PTAR1: variants seen among roughly 807,000 people sequenced by gnomAD.
PTAR1 encodes protein prenyltransferase alpha subunit repeat containing 1.
Under a neutral mutation model 45.5 loss-of-function variants are expected in PTAR1, and 17 were observed. That is an observed-to-expected ratio of 0.37 (90% CI 0.26 to 0.56). PTAR1 has a LOEUF of 0.56. Among genes scored for constraint, PTAR1 ranks in the 20% least tolerant of loss-of-function variants. PTAR1 has a pLI of 0.77. For missense variants in PTAR1, 391 were observed against 476.3 expected (o/e 0.82, Z 1.67); for synonymous variants, 169 against 171.3 (o/e 0.99, Z 0.11).
At chr9:69,745,263 C>T (rs1261822782) in intron 2 of PTAR1, among the ~76,000 whole-genome samples, 1 of 152,180 alleles carries the variant, frequency 6.6e-6, no homozygotes, top group African/African-American at 2.4e-5. Flanking sequence ...CAAAAAACCC[C>T]TTTGTAGTCA....
intron 3 of PTAR1, among the ~76,000 whole-genome samples, chr9:69,739,763 T>G (rs1825958219): frequency 6.6e-6 from 1 of 152,200 alleles, no homozygotes; most frequent in South Asian, 2.1e-4. Context: ...TCTATGTCAA[T>G]CAATCTTACT....
chr9:69,732,080 C>T, intron 5 of PTAR1, 59 bp downstream of exon 5: 1 of 1,230,312 alleles, frequency 8.1e-7, no homozygotes, highest in Non-Finnish European at 1.2e-6. Flanking sequence ...GAATGAACTA[C>T]TACCAGAAGA....
intron 5 of PTAR1, among the ~76,000 whole-genome samples, chr9:69,731,169 G>GT: frequency 6.6e-6 from 1 of 152,166 alleles, no homozygotes; most frequent in East Asian, 1.9e-4. Context: ...GAAGTAAAAA[G>GT]TCTCCCATTT....
At chr9:69,722,329 TAAAGGAAGATCC>T in intron 6 of PTAR1, among the ~76,000 whole-genome samples, 1 of 152,232 alleles carries the variant, frequency 6.6e-6, no homozygotes, top group South Asian at 2.1e-4. Context: ...TGCCTCCAAA[TAAAGGAAGATCC>T]AAAAGAAATG....
chr9:69,725,317 T>A (rs1226890177), intron 5 of PTAR1, among the ~76,000 whole-genome samples: 1 of 152,152 alleles, frequency 6.6e-6, no homozygotes, highest in African/African-American at 2.4e-5. Flanking sequence ...TGGCTGTGCG[T>A]GGTGGCTCAT....
At chr9:69,747,323 TTCAC>T (rs1450206993) in intron 2 of PTAR1, among the ~76,000 whole-genome samples, 3 of 152,170 alleles carry the variant, frequency 2.0e-5, no homozygotes, top group African/African-American at 4.8e-5. Flanking sequence ...TCAAAAAGGC[TTCAC>T]AGTGTTAAGT....
intron 3 of PTAR1, among the ~76,000 whole-genome samples, chr9:69,739,577 T>C (rs757524300): frequency 1.2e-4 from 18 of 152,118 alleles, no homozygotes; most frequent in African/African-American, 3.9e-4. Context: ...CTTTAGCAGT[T>C]TGAAAAATGC....
intron 4 of PTAR1, among the ~76,000 whole-genome samples, chr9:69,733,863 G>A (rs1443731376): frequency 2.0e-5 from 3 of 152,128 alleles, no homozygotes; most frequent in Non-Finnish European, 2.9e-5. Context: ...GGCACTGTGG[G>A]AGTGTTACAT....
At chr9:69,731,375 T>C (rs1237181835) in intron 5 of PTAR1, among the ~76,000 whole-genome samples, 1 of 152,184 alleles carries the variant, frequency 6.6e-6, no homozygotes, top group Non-Finnish European at 1.5e-5. Context: ...TAGATTCTTA[T>C]GGCACTGTGA....
rs143882693 is a variant in PTAR1, at chr9:69,741,906, A to G, written c.257-48T>C. 1,257 of 1,184,238 alleles carry G rather than the reference A, an allele frequency of 1.1e-3. 12 individuals are homozygous for G. In the African/African-American group the frequency reaches 0.017, roughly 16 times the overall value. 73.4% of individuals were successfully genotyped at this position (1,184,238 alleles called of 1,614,324 possible). A position where few individuals can be genotyped will look rare whatever the true frequency, so the allele number is the denominator to read the frequency against. On this transcript the variant is annotated intron_variant, in intron 2 of 7. Coordinates refer to ENST00000340434, the MANE Select transcript of PTAR1 (RefSeq NM_001099666.2). ...TAAAAACAAATAGTCCTACCTTTTA[A>G]AGCTTGGCTTCTCATTCTTTTAAGG...
chr9:69,721,919 C>T (rs1825029452), intron 6 of PTAR1, among the ~76,000 whole-genome samples: 1 of 152,050 alleles, frequency 6.6e-6, no homozygotes, highest in African/African-American at 2.4e-5. Context: ...GTGTGGCTCA[C>T]TTTATTGCTA....
At chr9:69,742,503 T>C (rs755926022) in intron 2 of PTAR1, among the ~76,000 whole-genome samples, 3 of 152,140 alleles carry the variant, frequency 2.0e-5, no homozygotes, top group Non-Finnish European at 2.9e-5. Flanking sequence ...CTGTTTCCTG[T>C]TTGTTTTTAA....
At chr9:69,738,325 T>C (rs1825884992) in intron 3 of PTAR1, among the ~76,000 whole-genome samples, 1 of 152,202 alleles carries the variant, frequency 6.6e-6, no homozygotes, top group Admixed American at 6.5e-5. Context: ...CTGGCTGAGT[T>C]CAGGTTTCTT....
At chr9:69,737,662 T>C (rs1212294413) in intron 3 of PTAR1, among the ~76,000 whole-genome samples, 1 of 152,170 alleles carries the variant, frequency 6.6e-6, no homozygotes, top group Non-Finnish European at 1.5e-5. Context: ...ACAATAATAA[T>C]GGCCATCCTC....
At position 69,712,327 on chromosome 9, in the gene PTAR1, G is replaced by C. The variant is rs1220920065; in HGVS notation, c.*6015C>G. ...GGTTAATTTGGGCAAATGAGCACTT[G>C]TGTTTGGTTTCTAACTTTGCTGGAA... is the stretch of plus-strand genomic sequence containing the variant. On this transcript the variant is annotated 3_prime_UTR_variant, in exon 8 of 8. Coordinates refer to ENST00000340434, the MANE Select transcript of PTAR1 (RefSeq NM_001099666.2). The C allele has an allele frequency of 6.6e-6, 1 of 152,130 alleles. No individual in the cohort carries two copies. Among genetic ancestry groups the C allele is most frequent in the Admixed American group, 6.6e-5 (1 of 15,256 alleles). The allele number at this position is 152,130 out of a possible 1,614,324, so 9.4% of individuals were successfully genotyped here.
chr9:69,759,964 G>A lies in PTAR1; in HGVS notation c.-26C>T, dbSNP rs775836507. On this transcript the variant is annotated 5_prime_UTR_variant, in exon 1 of 8. Transcript: ENST00000340434. ...GTTGGCGGCGGCCGCGACAGTTCGG[G>A]CGCGCCTCCGCGTGAGCCGGGCCGC... 2.1e-6 allele frequency: 3 copies of A among 1,454,320 alleles called. No homozygotes were observed. The highest frequency in any genetic ancestry group is 1.3e-5 in the South Asian group (1 of 74,464). The allele number at this position is 1,454,320 out of a possible 1,614,324, so 90.1% of individuals were successfully genotyped here.
At chr9:69,758,835 AAAT>A (rs1826929000) in intron 1 of PTAR1, 1 of 117,770 alleles carries the variant, frequency 8.5e-6, no homozygotes, top group Non-Finnish European at 1.7e-5. Flanking sequence ...AAAATAAATT[AAAT>A]AATAATAAAA....
At chr9:69,741,084 T>C (rs1283131719) in intron 3 of PTAR1, among the ~76,000 whole-genome samples, 2 of 152,156 alleles carry the variant, frequency 1.3e-5, no homozygotes, top group African/African-American at 4.8e-5. Context: ...GAAAATAGAA[T>C]GTCTCAGGGC....
At chr9:69,720,209 A>C (rs1176188214) in intron 6 of PTAR1, among the ~76,000 whole-genome samples, 1 of 152,236 alleles carries the variant, frequency 6.6e-6, no homozygotes, top group African/African-American at 2.4e-5. Context: ...AATGCAAAGG[A>C]AAGTTTTTGA....
Sources: allele counts gnomAD v4.1 joint callset (sites outside exome capture counted in the v4.1 genomes callset), GRCh38; gene constraint gnomAD v4.1.1; transcripts MANE v1.5; gene names NCBI Gene and HGNC (gene_info 2026-07-23, HGNC 2026-07-21).